The following PCDHA4 variants were observed in gnomAD, a reference collection of about 807,000 sequenced individuals.
PCDHA4 encodes protocadherin alpha 4.
A neutral mutation model predicts 61.4 loss-of-function variants in PCDHA4; 49 were observed. The ratio of observed to expected loss-of-function variants is 0.80; its 90% CI spans 0.63 to 1.01. PCDHA4 has a LOEUF of 1.01. Among genes scored for constraint, PCDHA4 ranks in the 50% least tolerant of loss-of-function variants. The probability of loss-of-function intolerance (pLI) is 0.00; values close to 1 mark genes in which losing one functional copy is unlikely to be tolerated. For synonymous variants in PCDHA4, 590 were observed against 550.3 expected (o/e 1.07, Z -1.01); for missense variants, 1,254 against 1,235.8 (o/e 1.01, Z -0.22).
chr5:140,951,841 AAAAGTCC>A (rs1266500275), intron 1 of PCDHA4, among the ~76,000 whole-genome samples: 1 of 152,182 alleles, frequency 6.6e-6, no homozygotes, highest in African/African-American at 2.4e-5. Context: ...GCATTAAGCC[AAAAGTCC>A]AAAGTCCAAA....
intron 1 of PCDHA4, among the ~76,000 whole-genome samples, chr5:140,950,723 A>G (rs1478275346): frequency 1.3e-5 from 2 of 151,984 alleles, no homozygotes; most frequent in African/African-American, 4.8e-5. Flanking sequence ...ATATCCTTAA[A>G]TTTTTTAATC....
chr5:140,856,754 G>A (rs536378352), intron 1 of PCDHA4: 8 of 1,596,774 alleles, frequency 5.0e-6, no homozygotes, highest in African/African-American at 1.3e-5. Flanking sequence ...AGATGCCAAT[G>A]ATAACGCCCC....
chr5:140,926,464 A>C (rs1445781673), intron 1 of PCDHA4: 1 of 159,892 alleles, frequency 6.3e-6, no homozygotes, highest in Non-Finnish European at 1.4e-5. Flanking sequence ...TGTCCTAGAA[A>C]ACACCGTTTA....
intron 1 of PCDHA4, chr5:140,848,507 A>G: frequency 1.3e-6 from 2 of 1,588,934 alleles, no homozygotes. Flanking sequence ...TGTTATACTC[A>G]AGTCGAGGAG....
At chr5:140,883,141 T>C (rs975281074) in intron 1 of PCDHA4, 5 of 1,614,092 alleles carry the variant, frequency 3.1e-6, no homozygotes, top group Non-Finnish European at 4.2e-6. Flanking sequence ...CAGTGGTATA[T>C]GCATTTACCA....
rs2150133145 is a variant in PCDHA4, at chr5:140,824,197, C to CT, written c.2385+14632dup. 4.4e-5 allele frequency: 70 copies of CT among 1,598,448 alleles called. No homozygotes were observed. In the African/African-American group the frequency reaches 7.8e-4, roughly 18 times the overall value. ...AAATATTAAATGTCACATTCACCCA[C>CT]TTTTTTTGTATTTAAAAATTATGTC... is the stretch of plus-strand genomic sequence containing the variant. On this transcript the variant is annotated intron_variant, in intron 1 of 3. Coordinates refer to ENST00000530339, the MANE Select transcript of PCDHA4 (RefSeq NM_018907.4).
At chr5:140,885,737 A>G (rs1347685899) in intron 1 of PCDHA4, among the ~76,000 whole-genome samples, 1 of 152,222 alleles carries the variant, frequency 6.6e-6, no homozygotes, top group South Asian at 2.1e-4. Context: ...ATGATATTTC[A>G]CTGTTACTTT....
At chr5:140,871,284 T>G in intron 1 of PCDHA4, 1 of 1,613,896 alleles carries the variant, frequency 6.2e-7, no homozygotes. Flanking sequence ...CAACGCCCAC[T>G]GAGGGCGCGT....
intron 1 of PCDHA4, chr5:140,881,515 A>T (rs574115987): frequency 4.8e-6 from 1 of 207,066 alleles, no homozygotes; most frequent in Admixed American, 6.5e-5. Context: ...CACATACAAA[A>T]TCCCACACAT....
chr5:140,916,602 C>T (rs1554197542), intron 1 of PCDHA4, among the ~76,000 whole-genome samples: 2 of 152,240 alleles, frequency 1.3e-5, no homozygotes, highest in African/African-American at 2.4e-5. Context: ...GCCTGGAATG[C>T]GGGCCTCATG....
At chr5:140,894,506 A>G (rs533835142) in intron 1 of PCDHA4, among the ~76,000 whole-genome samples, 2 of 151,922 alleles carry the variant, frequency 1.3e-5, no homozygotes, top group Non-Finnish European at 2.9e-5. Flanking sequence ...GGCATTATCC[A>G]TAGTGTTTAT....
chr5:140,825,497 A>G (rs1554130262), intron 1 of PCDHA4: 1 of 150,846 alleles, frequency 6.6e-6, no homozygotes, highest in East Asian at 1.9e-4. Context: ...AACGAGTGCA[A>G]TGGTACAATC....
intron 1 of PCDHA4, chr5:140,930,101 G>A (rs782338185): frequency 9.2e-5 from 14 of 152,094 alleles, no homozygotes; most frequent in Non-Finnish European, 1.6e-4. Context: ...TATACTGATA[G>A]GAGATCATAT....
At chr5:140,982,359 C>T in intron 2 of PCDHA4, 116 bp from the exon 3 acceptor site, 1 of 1,523,712 alleles carries the variant, frequency 6.6e-7, no homozygotes. Context: ...CAAGCATGAG[C>T]AGAATGTGTT....
At chr5:140,942,876 T>C (rs2093384814) in intron 1 of PCDHA4, among the ~76,000 whole-genome samples, 1 of 152,052 alleles carries the variant, frequency 6.6e-6, no homozygotes, top group Non-Finnish European at 1.5e-5. Context: ...GCATGACAAC[T>C]TTTTTCCTAA....
In PCDHA4 at chr5:140,968,189, T is replaced by G. The variant is rs181004208; in HGVS notation, c.2386-10760T>G. The G allele has an allele frequency of 2.2e-5, 35 of 1,614,034 alleles. No individual in the cohort carries two copies. The Admixed American group carries it at 4.2e-4, about 19-fold the overall frequency. On this transcript the variant is annotated intron_variant, in intron 1 of 3. Coordinates refer to ENST00000530339, the MANE Select transcript of PCDHA4 (RefSeq NM_018907.4). ...ACCAAGCTTCCTGGAGGACTCCTAT[T>G]CCATCTACATACAGGAGAACAATTT... is the stretch of plus-strand genomic sequence containing the variant.
At chr5:140,914,761 G>A (rs2076826214) in intron 1 of PCDHA4, among the ~76,000 whole-genome samples, 1 of 151,734 alleles carries the variant, frequency 6.6e-6, no homozygotes, top group Non-Finnish European at 1.5e-5. Context: ...GAGGTTACAT[G>A]AGGTTTATGA....
intron 1 of PCDHA4, chr5:140,850,390 G>A: frequency 6.3e-7 from 1 of 1,597,946 alleles, no homozygotes; most frequent in Non-Finnish European, 8.6e-7. Context: ...GGCGAGATCA[G>A]CACAACGCGT....
chr5:140,911,040 A>G (rs970284436), intron 1 of PCDHA4, among the ~76,000 whole-genome samples: 15 of 152,034 alleles, frequency 9.9e-5, no homozygotes, highest in Non-Finnish European at 2.2e-4. Context: ...CTAGAAGCAA[A>G]CAGGGGTGGT....
Sources: gnomAD v4.1 joint callset for allele counts (sites outside exome capture counted in the v4.1 genomes callset) on GRCh38, gnomAD v4.1.1 for gene constraint, MANE v1.5 for transcripts, NCBI Gene and HGNC (gene_info 2026-07-23, HGNC 2026-07-21) for gene names.